The following PCDHA1 variants were observed in gnomAD, a reference collection of about 807,000 sequenced individuals.
PCDHA1 encodes protocadherin alpha 1, also known as protocadherin alpha-1.
A neutral mutation model predicts 61.3 loss-of-function variants in PCDHA1; 42 were observed. The ratio of observed to expected loss-of-function variants is 0.69; its 90% CI spans 0.54 to 0.89. PCDHA1 has a LOEUF of 0.89. PCDHA1 is among the 40% of genes least tolerant of loss of function. PCDHA1 has a pLI of 0.00. For synonymous variants in PCDHA1, 610 were observed against 553.8 expected (o/e 1.10, Z -1.43); for missense variants, 1,256 against 1,235.3 (o/e 1.02, Z -0.25).
intron 1 of PCDHA1, among the ~76,000 whole-genome samples, chr5:140,887,378 G>C (rs1407679123): frequency 6.6e-6 from 1 of 152,176 alleles, no homozygotes; most frequent in East Asian, 1.9e-4. Flanking sequence ...TTACAGGTGT[G>C]AGCCACCGCG....
intron 1 of PCDHA1, among the ~76,000 whole-genome samples, chr5:140,949,414 C>G (rs887325816): frequency 6.6e-6 from 1 of 151,940 alleles, no homozygotes; most frequent in Non-Finnish European, 1.5e-5. Context: ...CACCTATCAT[C>G]ATTGTGTTTA....
chr5:140,952,709 T>C (rs2094784758), intron 1 of PCDHA1, among the ~76,000 whole-genome samples: 1 of 152,208 alleles, frequency 6.6e-6, no homozygotes, highest in Non-Finnish European at 1.5e-5. Flanking sequence ...CCACTCTCAG[T>C]ATCAATTTTC....
At chr5:140,967,876 G>C (rs369514758) in intron 1 of PCDHA1, 1 of 1,614,144 alleles carries the variant, frequency 6.2e-7, no homozygotes, top group Non-Finnish European at 8.5e-7. Flanking sequence ...TCACGGACCT[G>C]TATAGCCCAG....
intron 1 of PCDHA1, chr5:140,835,628 C>G (rs1554135129): frequency 1.2e-6 from 2 of 1,613,772 alleles, no homozygotes; most frequent in African/African-American, 1.3e-5. Context: ...CTCTGGACCG[C>G]GAGAGTGTGT....
At chr5:140,995,203 T>G (rs2097669345) in intron 3 of PCDHA1, among the ~76,000 whole-genome samples, 2 of 152,180 alleles carry the variant, frequency 1.3e-5, no homozygotes, top group African/African-American at 2.4e-5. Flanking sequence ...ATTTATAAAT[T>G]AGGCACAATA....
intron 1 of PCDHA1, chr5:140,862,474 T>C (rs1342820666): frequency 2.6e-6 from 1 of 377,454 alleles, no homozygotes. Flanking sequence ...AGCAAATCTA[T>C]CCATTGTTGG....
chr5:140,809,549 A>C (rs1764495045), intron 1 of PCDHA1: 1 of 1,612,046 alleles, frequency 6.2e-7, no homozygotes, highest in Non-Finnish European at 8.5e-7. Context: ...TCAGCTGCAG[A>C]CAACTGAGGA....
At chr5:140,882,188 A>G (rs1446435577) in intron 1 of PCDHA1, 6 of 1,519,650 alleles carry the variant, frequency 3.9e-6, no homozygotes, top group African/African-American at 1.4e-5. Context: ...CTAGGAAGCC[A>G]TAAAAATTGG....
intron 1 of PCDHA1, chr5:140,828,899 G>A: frequency 6.2e-7 from 1 of 1,614,256 alleles, no homozygotes; most frequent in Non-Finnish European, 8.5e-7. Flanking sequence ...TTCTGATCGG[G>A]ATGAAGGAGC....
intron 1 of PCDHA1, chr5:140,822,422 G>A (rs1429396395): frequency 2.5e-6 from 4 of 1,613,922 alleles, no homozygotes; most frequent in Non-Finnish European, 3.4e-6. Context: ...GCAACTGATG[G>A]AGGAAAACCC....
intron 1 of PCDHA1, chr5:140,810,965 A>G (rs1764766601): frequency 6.6e-6 from 1 of 152,076 alleles, no homozygotes; most frequent in South Asian, 2.1e-4. Flanking sequence ...ACATATTTTT[A>G]TCATTGTTGT....
intron 1 of PCDHA1, among the ~76,000 whole-genome samples, chr5:140,930,626 A>G (rs1554207971): frequency 6.6e-6 from 1 of 152,220 alleles, no homozygotes; most frequent in Non-Finnish European, 1.5e-5. Flanking sequence ...GGAGGTGTGT[A>G]GAAATTAAGG....
intron 1 of PCDHA1, chr5:140,860,111 A>T (rs1337460322): frequency 6.6e-6 from 1 of 151,186 alleles, no homozygotes; most frequent in African/African-American, 2.4e-5. Context: ...CGACATAGGG[A>T]TATCTTGTAC....
intron 1 of PCDHA1, chr5:140,794,784 A>T: frequency 1.5e-6 from 1 of 668,012 alleles, no homozygotes; most frequent in Non-Finnish European, 2.5e-6. Context: ...CCTTCCTTTT[A>T]GCCACATGAT....
chr5:140,896,188 G>C (rs1554186861), intron 1 of PCDHA1, among the ~76,000 whole-genome samples: 1 of 152,132 alleles, frequency 6.6e-6, no homozygotes, highest in Non-Finnish European at 1.5e-5. Context: ...ATTGTGAATA[G>C]TGCCATGATG....
Position 140,861,683 on chromosome 5 carries a change from C to G in PCDHA1, c.2394+72999C>G, listed in dbSNP as rs1386318519. ...GAGAGCTCTTGATTATCGTGTTTCA[C>G]TAGAGGGTGTCTGTGATGCCGACGT... On this transcript the variant is annotated intron_variant, in intron 1 of 3. Coordinates refer to ENST00000504120, the MANE Select transcript of PCDHA1 (RefSeq NM_018900.4). 2.1e-5 allele frequency: 5 copies of G among 233,410 alleles called. No homozygotes were observed. The East Asian group carries it at 3.6e-4, about 17-fold the overall frequency. 14.5% of individuals were successfully genotyped at this position (233,410 alleles called of 1,614,324 possible).
intron 1 of PCDHA1, chr5:140,877,800 T>C (rs2057344527): frequency 6.2e-7 from 1 of 1,613,404 alleles, no homozygotes; most frequent in Non-Finnish European, 8.5e-7. Context: ...GCCCAAGCCT[T>C]CAGCTGTCTC....
Position 140,968,348 on chromosome 5 carries a change from A to G in PCDHA1, c.2395-10601A>G, listed in dbSNP as rs782567344. The stretch of plus-strand genomic sequence containing the variant: ...CTCCTATGTCTCCATTAACAGTGCC[A>G]GTGGCAGCCTTTATGCTGTCAACTC... On this transcript the variant is annotated intron_variant, in intron 1 of 3. Coordinates refer to ENST00000504120, the MANE Select transcript of PCDHA1 (RefSeq NM_018900.4). 1 of 1,614,124 alleles carries G rather than the reference A, an allele frequency of 6.2e-7. No individual in the cohort carries two copies. The highest frequency in any genetic ancestry group is 2.2e-5 in the East Asian group (1 of 44,886).
chr5:140,990,189 A>C (rs2097379694), intron 3 of PCDHA1, among the ~76,000 whole-genome samples: 1 of 152,218 alleles, frequency 6.6e-6, no homozygotes, highest in Non-Finnish European at 1.5e-5. Flanking sequence ...TAAGAACCAA[A>C]TGTGGACCCG....
Sources: allele counts gnomAD v4.1 joint callset (sites outside exome capture counted in the v4.1 genomes callset), GRCh38; gene constraint gnomAD v4.1.1; transcripts MANE v1.5; gene names NCBI Gene and HGNC (gene_info 2026-07-23, HGNC 2026-07-21).